Variants in DENND1A observed in about 807,000 individuals in gnomAD.
The protein encoded by DENND1A is DENN domain containing 1A.
Under a neutral mutation model 113.7 loss-of-function variants are expected in DENND1A, and 51 were observed. The observed-to-expected ratio is 0.45, with a 90% CI of 0.36 to 0.57. The LOEUF (loss-of-function observed/expected upper bound fraction) is 0.57. Ranked by LOEUF, DENND1A falls within the 20% of genes least tolerant of loss-of-function variation. The pLI, the probability that DENND1A is intolerant of heterozygous loss-of-function variation, is 0.00. For synonymous variants in DENND1A, 565 were observed against 570.8 expected (o/e 0.99, Z 0.14); for missense variants, 1,258 against 1,395.9 (o/e 0.90, Z 1.57).
chr9:123,775,054 A>G (rs1439801832), intron 3 of DENND1A, among the ~76,000 whole-genome samples: 2 of 152,216 alleles, frequency 1.3e-5, no homozygotes, highest in Non-Finnish European at 2.9e-5. Context: ...AAACTTAGCT[A>G]AAACAAAGTT....
chr9:123,826,597 T>A lies in DENND1A; in HGVS notation c.89-33967A>T, dbSNP rs371121312. On this transcript the variant is annotated intron_variant, in intron 2 of 23. Transcript: ENST00000394215. ...ACATTCCATGATACCCTTGATTCTCTTGGCTGAGGTTCTCAGTATTAGCTC... is the reference window on the plus strand; with the variant it reads ...ACATTCCATGATACCCTTGATTCTCATGGCTGAGGTTCTCAGTATTAGCTC... 2.5e-4 allele frequency among the ~76,000 whole-genome samples: 38 copies of A among 152,234 alleles called. No individual in the cohort carries two copies. The East Asian group carries it at 6.7e-3, about 27-fold the overall frequency.
intron 13 of DENND1A, among the ~76,000 whole-genome samples, chr9:123,500,214 T>C (rs1289365912): frequency 6.6e-6 from 1 of 152,254 alleles, no homozygotes; most frequent in African/African-American, 2.4e-5. Context: ...GCAGGCCACC[T>C]GGATATGCCA....
At chr9:123,696,029 G>C (rs1365865606) in intron 5 of DENND1A, among the ~76,000 whole-genome samples, 1 of 150,552 alleles carries the variant, frequency 6.6e-6, no homozygotes, top group Non-Finnish European at 1.5e-5. Flanking sequence ...CCTTTGTCTG[G>C]GTCCGGAGTA....
At chr9:123,907,124 T>C (rs1257583949) in intron 1 of DENND1A, among the ~76,000 whole-genome samples, 95 of 149,018 alleles carry the variant, frequency 6.4e-4, no homozygotes, top group African/African-American at 2.2e-3. Flanking sequence ...ATTATCTCAA[T>C]AGATGCAGAA....
At chr9:123,845,188 C>G (rs1842405075) in intron 2 of DENND1A, among the ~76,000 whole-genome samples, 1 of 151,940 alleles carries the variant, frequency 6.6e-6, no homozygotes, top group Non-Finnish European at 1.5e-5. Context: ...CCACTACACT[C>G]CAGCCTGGGC....
At chr9:123,723,618 T>C (rs534284004) in intron 5 of DENND1A, among the ~76,000 whole-genome samples, 19 of 152,304 alleles carry the variant, frequency 1.2e-4, no homozygotes, top group Middle Eastern at 3.4e-3. Context: ...TGAAATCTGA[T>C]GGCCTTAAAA....
chr9:123,524,244 T>A (rs1427990453), intron 13 of DENND1A, among the ~76,000 whole-genome samples: 1 of 152,180 alleles, frequency 6.6e-6, no homozygotes, highest in Non-Finnish European at 1.5e-5. Flanking sequence ...CTGCACAGAG[T>A]AGGCACTCAG....
intron 16 of DENND1A, 56 bp downstream of exon 16, chr9:123,454,683 G>C: frequency 6.6e-7 from 1 of 1,525,572 alleles, no homozygotes; most frequent in Non-Finnish European, 8.9e-7. Context: ...GAAGCGGAAG[G>C]CTGCCAGGAA....
chr9:123,691,010 G>A (rs2065157376), intron 5 of DENND1A, among the ~76,000 whole-genome samples: 1 of 152,162 alleles, frequency 6.6e-6, no homozygotes, highest in African/African-American at 2.4e-5. Context: ...CTTAATGTGG[G>A]TACAGTCAGC....
intron 5 of DENND1A, among the ~76,000 whole-genome samples, chr9:123,694,257 C>A (rs2065368712): frequency 6.6e-6 from 1 of 152,158 alleles, no homozygotes; most frequent in African/African-American, 2.4e-5. Flanking sequence ...TCTCTCCTAG[C>A]TAAGAAATCA....
At chr9:123,525,540 T>G (rs1278257057) in intron 13 of DENND1A, among the ~76,000 whole-genome samples, 2 of 152,150 alleles carry the variant, frequency 1.3e-5, no homozygotes, top group Non-Finnish European at 2.9e-5. Context: ...TTTAACCGGA[T>G]CCGTTTCTCA....
intron 18 of DENND1A, among the ~76,000 whole-genome samples, chr9:123,440,976 T>G (rs1279487836): frequency 6.6e-6 from 1 of 152,242 alleles, no homozygotes; most frequent in Non-Finnish European, 1.5e-5. Context: ...GATTCAATAT[T>G]CTACTACTAT....
intron 13 of DENND1A, among the ~76,000 whole-genome samples, chr9:123,470,902 C>T (rs1013693099): frequency 5.9e-5 from 9 of 152,162 alleles, no homozygotes; most frequent in African/African-American, 1.4e-4. Flanking sequence ...GGTGTTGAAA[C>T]GGGCCTGGTA....
chr9:123,638,237 C>G (rs539392451), intron 9 of DENND1A, among the ~76,000 whole-genome samples: 26 of 152,254 alleles, frequency 1.7e-4, no homozygotes, highest in African/African-American at 6.0e-4. Flanking sequence ...AAGCAGAAAA[C>G]CATGGTGTGG....
intron 5 of DENND1A, among the ~76,000 whole-genome samples, chr9:123,726,945 T>C (rs1270719544): frequency 1.3e-5 from 2 of 152,198 alleles, no homozygotes; most frequent in Non-Finnish European, 2.9e-5. Flanking sequence ...GGCCAGGGAC[T>C]CTGTGGTAGA....
chr9:123,403,345 T>C (rs1321523770), intron 21 of DENND1A, 57 bp downstream of exon 21: 1 of 1,585,126 alleles, frequency 6.3e-7, no homozygotes, highest in Non-Finnish European at 8.6e-7. Flanking sequence ...CTTCGCAAAG[T>C]GCTGGCTCCG....
chr9:123,785,979 A>G (rs962852050), intron 3 of DENND1A, among the ~76,000 whole-genome samples: 1 of 152,114 alleles, frequency 6.6e-6, no homozygotes, highest in Non-Finnish European at 1.5e-5. Flanking sequence ...TCAGGAGGCC[A>G]AGGTGTGAGG....
At chr9:123,885,089 A>G (rs528855104) in intron 1 of DENND1A, among the ~76,000 whole-genome samples, 1 of 152,022 alleles carries the variant, frequency 6.6e-6, no homozygotes, top group South Asian at 2.1e-4. Context: ...GACTGGGTTA[A>G]GTGCCCCACC....
At chr9:123,499,359 G>T (rs999784872) in intron 13 of DENND1A, among the ~76,000 whole-genome samples, 1 of 152,218 alleles carries the variant, frequency 6.6e-6, no homozygotes, top group African/African-American at 2.4e-5. Flanking sequence ...CTCAATACTT[G>T]ATTTCCTCAT....
Sources: gnomAD v4.1 joint callset for allele counts (sites outside exome capture counted in the v4.1 genomes callset) on GRCh38, gnomAD v4.1.1 for gene constraint, MANE v1.5 for transcripts, NCBI Gene and HGNC (gene_info 2026-07-23, HGNC 2026-07-21) for gene names.